PLCE1: variants seen among roughly 807,000 people sequenced by gnomAD.
PLCE1 encodes phospholipase C epsilon 1.
PLCE1 carries 119 observed loss-of-function variants against 242.8 expected under a neutral mutation model. The ratio of observed to expected loss-of-function variants is 0.49; its 90% CI spans 0.42 to 0.57. PLCE1 has a LOEUF of 0.57. Among genes scored for constraint, PLCE1 ranks in the 20% least tolerant of loss-of-function variants. The pLI is 0.00. For synonymous variants in PLCE1, 945 were observed against 1,017.4 expected (o/e 0.93, Z 1.35); for missense variants, 2,441 against 2,788.8 (o/e 0.88, Z 2.81).
At chr10:94,006,055 G>A (rs995945499) in intron 1 of PLCE1, among the ~76,000 whole-genome samples, 1 of 152,182 alleles carries the variant, frequency 6.6e-6, no homozygotes, top group Non-Finnish European at 1.5e-5. Context: ...GCATACCCGG[G>A]TTTGATCCAG....
rs1023564325 is a variant in PLCE1 at position 94,214,599 on chromosome 10, C to T, written c.1810-12707C>T. On this transcript the variant is annotated intron_variant, in intron 4 of 32. Transcript: ENST00000371380. ...ACAGATTTGTTTTCAGTGGAATGTA[C>T]GCCAACACAGGCACACCATTTTATT... Among the ~76,000 whole-genome samples, 11 of 152,178 alleles carry T rather than the reference C, an allele frequency of 7.2e-5. No homozygotes were observed. The East Asian group carries it at 7.7e-4, about 11-fold the overall frequency.
chr10:94,147,631 C>T (rs571618229), intron 3 of PLCE1, among the ~76,000 whole-genome samples: 3 of 152,056 alleles, frequency 2.0e-5, no homozygotes, highest in African/African-American at 7.2e-5. Flanking sequence ...AAGAATGAAA[C>T]AATACCCTAG....
intron 2 of PLCE1, among the ~76,000 whole-genome samples, chr10:94,129,284 T>C (rs1183689403): frequency 6.6e-6 from 1 of 152,246 alleles, no homozygotes; most frequent in African/African-American, 2.4e-5. Context: ...AATTAATTAT[T>C]TGGCACAGCA....
intron 24 of PLCE1, among the ~76,000 whole-genome samples, chr10:94,299,858 A>G (rs1052480176): frequency 4.6e-5 from 7 of 152,234 alleles, no homozygotes; most frequent in Non-Finnish European, 8.8e-5. Flanking sequence ...GTGAAGTACC[A>G]TATTTAGCAT....
chr10:94,010,345 G>A (rs1211584319), intron 1 of PLCE1, among the ~76,000 whole-genome samples: 2 of 152,230 alleles, frequency 1.3e-5, no homozygotes, highest in African/African-American at 4.8e-5. Context: ...CTTAGCCTCT[G>A]AGCCTGCAAT....
chr10:94,160,704 T>A (rs2047583281), intron 3 of PLCE1, among the ~76,000 whole-genome samples: 1 of 152,224 alleles, frequency 6.6e-6, no homozygotes, highest in Admixed American at 6.5e-5. Context: ...CATGCCTATG[T>A]CCTGAATGGT....
intron 4 of PLCE1, 92 bp from the exon 5 acceptor site, chr10:94,227,214 A>G (rs2049976393): frequency 8.2e-7 from 1 of 1,220,022 alleles, no homozygotes. Context: ...TACCAAATTG[A>G]TATTTTTAGA....
chr10:94,201,909 C>T (rs1358680986), intron 4 of PLCE1, among the ~76,000 whole-genome samples: 1 of 152,044 alleles, frequency 6.6e-6, no homozygotes, highest in Non-Finnish European at 1.5e-5. Flanking sequence ...GGGGGCATTT[C>T]CTTTCTAAGA....
intron 4 of PLCE1, among the ~76,000 whole-genome samples, chr10:94,192,044 A>ATT (rs928167106): frequency 2.6e-5 from 4 of 152,232 alleles, no homozygotes; most frequent in African/African-American, 4.8e-5. Flanking sequence ...AATTGACATA[A>ATT]TTATATATAT....
intron 1 of PLCE1, among the ~76,000 whole-genome samples, chr10:94,007,699 C>CTTTTTT (rs80098906): frequency 3.4e-4 from 22 of 64,054 alleles, no homozygotes; most frequent in Middle Eastern, 0.015. Flanking sequence ...AGCCTACTTT[C>CTTTTTT]TTTTTTTTTT....
intron 2 of PLCE1, among the ~76,000 whole-genome samples, chr10:94,059,236 G>A (rs928168022): frequency 6.6e-6 from 1 of 152,234 alleles, no homozygotes; most frequent in African/African-American, 2.4e-5. Flanking sequence ...GAACGGTATG[G>A]TTTAGACCAG....
chr10:94,166,075 T>TA (rs958990573), intron 3 of PLCE1, among the ~76,000 whole-genome samples: 2 of 152,212 alleles, frequency 1.3e-5, no homozygotes, highest in African/African-American at 2.4e-5. Flanking sequence ...CAGAACTGTG[T>TA]AAGTTATACA....
chr10:94,237,052 TC>T (rs1245871097), intron 7 of PLCE1, among the ~76,000 whole-genome samples: 8 of 152,138 alleles, frequency 5.3e-5, no homozygotes, highest in African/African-American at 1.9e-4. Context: ...TTCCTAGCAG[TC>T]AAAGGAAAGA....
chr10:94,156,531 G>A (rs1435786509), intron 3 of PLCE1, among the ~76,000 whole-genome samples: 2 of 152,194 alleles, frequency 1.3e-5, no homozygotes, highest in Admixed American at 1.3e-4. Flanking sequence ...GGGGAAGGAA[G>A]TGTGGAGGTT....
intron 4 of PLCE1, among the ~76,000 whole-genome samples, chr10:94,190,227 C>A (rs979210219): frequency 6.6e-6 from 1 of 152,162 alleles, no homozygotes; most frequent in Non-Finnish European, 1.5e-5. Flanking sequence ...TTGCAGTGAG[C>A]CAAGATGGCG....
intron 2 of PLCE1, among the ~76,000 whole-genome samples, chr10:94,063,571 T>G (rs986814880): frequency 6.6e-6 from 1 of 152,232 alleles, no homozygotes; most frequent in African/African-American, 2.4e-5. Context: ...GCACATTTTC[T>G]TGTCCTTATT....
At chr10:94,218,917 A>C (rs2049621606) in intron 4 of PLCE1, among the ~76,000 whole-genome samples, 1 of 147,196 alleles carries the variant, frequency 6.8e-6, no homozygotes. Flanking sequence ...AAATCTGACT[A>C]TAAAAATTTT....
intron 3 of PLCE1, among the ~76,000 whole-genome samples, chr10:94,151,103 T>C (rs948198211): frequency 7.2e-5 from 11 of 152,132 alleles, no homozygotes; most frequent in Non-Finnish European, 1.3e-4. Flanking sequence ...ATTTGAGGTC[T>C]CCCCCAGACC....
At chr10:94,290,535 T>C (rs1166188429) in intron 22 of PLCE1, among the ~76,000 whole-genome samples, 2 of 151,850 alleles carry the variant, frequency 1.3e-5, no homozygotes, top group African/African-American at 4.8e-5. Context: ...TATCATTGTC[T>C]TCCACTTCCA....
Sources: allele counts gnomAD v4.1 joint callset (sites outside exome capture counted in the v4.1 genomes callset), GRCh38; gene constraint gnomAD v4.1.1; transcripts MANE v1.5; gene names NCBI Gene and HGNC (gene_info 2026-07-23, HGNC 2026-07-21).